Variants in PRRX1 observed in about 807,000 individuals in gnomAD.
PRRX1 encodes paired related homeobox 1, also known as paired mesoderm homeobox protein 1.
PRRX1 carries 8 observed loss-of-function variants against 24.0 expected under a neutral mutation model. The observed-to-expected ratio is 0.33, with a 90% CI of 0.20 to 0.60. The LOEUF is 0.60. Ranked by LOEUF, PRRX1 falls within the 20% of genes least tolerant of loss-of-function variation. PRRX1 has a pLI of 0.82. For missense variants in PRRX1, 281 were observed against 322.4 expected (o/e 0.87, Z 0.98); for synonymous variants, 160 against 131.7 (o/e 1.22, Z -1.47).
intron 1 of PRRX1, among the ~76,000 whole-genome samples, chr1:170,677,887 G>T (rs997068230): frequency 1.3e-5 from 2 of 152,142 alleles, no homozygotes; most frequent in Admixed American, 6.5e-5. Flanking sequence ...CTTTCCTCTA[G>T]TTTCTGAATT....
At chr1:170,695,973 T>A (rs905465056) in intron 1 of PRRX1, among the ~76,000 whole-genome samples, 5 of 152,186 alleles carry the variant, frequency 3.3e-5, no homozygotes, top group Non-Finnish European at 7.3e-5. Context: ...AAATAAAACA[T>A]GCTTTTCTCT....
chr1:170,665,060 G>C (rs1055709568), intron 1 of PRRX1, among the ~76,000 whole-genome samples: 1 of 152,214 alleles, frequency 6.6e-6, no homozygotes, highest in Admixed American at 6.5e-5. Flanking sequence ...TCTGCCCCCT[G>C]CTGTTGCCTC....
intron 1 of PRRX1, among the ~76,000 whole-genome samples, chr1:170,699,712 G>A (rs1033443762): frequency 1.3e-5 from 2 of 152,044 alleles, no homozygotes; most frequent in African/African-American, 4.8e-5. Flanking sequence ...AAAGTGCACC[G>A]AGAAATACCA....
In PRRX1 at chr1:170,738,192, C is replaced by T; in HGVS notation, c.*2006C>T. 9.0e-6 allele frequency: 2 copies of T among 222,556 alleles called. No individual in the cohort carries two copies. The highest frequency in any genetic ancestry group is 2.2e-5 in the African/African-American group (1 of 44,832). 13.8% of individuals were successfully genotyped at this position (222,556 alleles called of 1,614,324 possible). On this transcript the variant is annotated 3_prime_UTR_variant, in exon 4 of 4. Transcript: ENST00000239461. ...TTTGGATCAATTTTGGTCAAACATG[C>T]CAACTTTGTAGTCTGAGTGACAGGC...
chr1:170,699,624 C>T (rs1654290815), intron 1 of PRRX1, among the ~76,000 whole-genome samples: 1 of 152,142 alleles, frequency 6.6e-6, no homozygotes, highest in South Asian at 2.1e-4. Flanking sequence ...AATCAGGTTC[C>T]TATGGGCTCA....
At position 170,733,825 on chromosome 1, in the gene PRRX1, T is replaced by C. The variant is rs2101927742; in HGVS notation, c.600-2223T>C. ...ATTTTTTGAATATAGGTTTTGTGGG[T>C]TTACATACATTTATGGTAAGGTCTT... On this transcript the variant is annotated intron_variant, in intron 3 of 3. Transcript: ENST00000239461. Among the ~76,000 whole-genome samples, 2 of 152,254 alleles carry C rather than the reference T, an allele frequency of 1.3e-5. 1 individual carries two copies. Among genetic ancestry groups the C allele is most frequent in the South Asian group, 4.1e-4 (2 of 4,830 alleles).
In PRRX1 at chr1:170,692,713, C is replaced by CCTCT. The variant is rs375918496; in HGVS notation, c.242-26987_242-26984dup. Among the ~76,000 whole-genome samples, 474 of 138,978 alleles carry CCTCT rather than the reference C, an allele frequency of 3.4e-3. 1 individual carries two copies. Among genetic ancestry groups the CCTCT allele is most frequent in the African/African-American group, 6.8e-3 (248 of 36,478 alleles). 91.2% of individuals were successfully genotyped at this position (138,978 alleles called of 152,430 possible). ...GAAACCCCTTAACGAACTAACAAAT[C>CCTCT]CTCTCTCTCTCTCTCTCTCTCTCTC... On this transcript the variant is annotated intron_variant, in intron 1 of 3. Coordinates refer to ENST00000239461, the MANE Select transcript of PRRX1 (RefSeq NM_022716.4).
chr1:170,669,830 G>A (rs1437120214), intron 1 of PRRX1, among the ~76,000 whole-genome samples: 1 of 152,130 alleles, frequency 6.6e-6, no homozygotes, highest in Admixed American at 6.5e-5. Flanking sequence ...AAATATGAAT[G>A]TATTTTTCCC....
intron 1 of PRRX1, among the ~76,000 whole-genome samples, chr1:170,694,340 C>G (rs1654096926): frequency 6.6e-6 from 1 of 152,116 alleles, no homozygotes; most frequent in South Asian, 2.1e-4. Context: ...CTCCAGTATT[C>G]CTGGCAGACA....
intron 1 of PRRX1, among the ~76,000 whole-genome samples, chr1:170,693,465 A>G (rs567100591): frequency 9.6e-4 from 146 of 152,186 alleles, no homozygotes; most frequent in African/African-American, 3.4e-3. Flanking sequence ...TTGATATGGC[A>G]GTACAGCCTT....
rs200718986 is a variant in PRRX1 at position 170,687,130 on chromosome 1, CTCT to C, written c.241+22673_241+22675del. Among the ~76,000 whole-genome samples, 1,150 of 151,212 alleles carry C rather than the reference CTCT, an allele frequency of 7.6e-3. 14 individuals carry two copies. The highest frequency in any genetic ancestry group is 0.027 in the African/African-American group (1,111 of 41,176). On this transcript the variant is annotated intron_variant, in intron 1 of 3. Transcript: ENST00000239461. ...GACCATTTAGGATTTCTCTCTCTCT[CTCT>C]TTTTTTTTTAACTTTACAAGTCAGA... is the stretch of plus-strand genomic sequence containing the variant.
intron 2 of PRRX1, among the ~76,000 whole-genome samples, chr1:170,725,155 G>A (rs960836895): frequency 6.6e-6 from 1 of 152,076 alleles, no homozygotes; most frequent in Non-Finnish European, 1.5e-5. Context: ...TGCTGAAGTT[G>A]CTTATCAGCT....
In PRRX1 at chr1:170,739,405, G is replaced by A. The variant is rs186829588; in HGVS notation, c.*3219G>A. The A allele has an allele frequency of 9.8e-5, 17 of 173,516 alleles. No individual in the cohort carries two copies. Among genetic ancestry groups the A allele is most frequent in the Admixed American group, 6.4e-5 (1 of 15,722 alleles). The allele number at this position is 173,516 out of a possible 1,614,324, so 10.7% of individuals were successfully genotyped here. A position where few individuals can be genotyped will look rare whatever the true frequency, so the allele number is the denominator to read the frequency against. ...TAAAAAGAAAGAAGGACTCTACCATGTCTTTTGTTATATACATTTAAGCCT... is the reference window on the plus strand; with the variant it reads ...TAAAAAGAAAGAAGGACTCTACCATATCTTTTGTTATATACATTTAAGCCT... On this transcript the variant is annotated 3_prime_UTR_variant, in exon 4 of 4. Transcript: ENST00000239461.
At chr1:170,692,979 A>G (rs61817382) in intron 1 of PRRX1, among the ~76,000 whole-genome samples, 41,436 of 151,896 alleles carry the variant, frequency 0.27, 6,064 homozygotes, top group Middle Eastern at 0.37. Context: ...ACTTTTCCTA[A>G]ATATTCAGGC....
rs1655702659 is a variant in PRRX1, at chr1:170,738,722, TTAGA to T, written c.*2541_*2544del. ...AGGTTTTACTGAGAAGGGGAAAACCTTAGATAGAGGGACATGTGAAACAAAATCA... is the reference window on the plus strand; with the variant it reads ...AGGTTTTACTGAGAAGGGGAAAACCTTAGAGGGACATGTGAAACAAAATCA... On this transcript the variant is annotated 3_prime_UTR_variant, in exon 4 of 4. Coordinates refer to ENST00000239461, the MANE Select transcript of PRRX1 (RefSeq NM_022716.4). 2 of 228,278 alleles carry T rather than the reference TTAGA, an allele frequency of 8.8e-6. No homozygotes were observed. The highest frequency in any genetic ancestry group is 3.6e-4 in the South Asian group (2 of 5,504). 14.1% of individuals were successfully genotyped at this position (228,278 alleles called of 1,614,324 possible).
chr1:170,698,607 C>T, intron 1 of PRRX1, among the ~76,000 whole-genome samples: 1 of 152,098 alleles, frequency 6.6e-6, no homozygotes, highest in East Asian at 1.9e-4. Flanking sequence ...AGGAGTAACA[C>T]CGTATTATTT....
chr1:170,717,608 C>CTT (rs879901322), intron 1 of PRRX1, among the ~76,000 whole-genome samples: 18 of 139,612 alleles, frequency 1.3e-4, no homozygotes, highest in Non-Finnish European at 2.5e-4. Flanking sequence ...AAGGATTTTT[C>CTT]TTTTTTTTTT....
intron 1 of PRRX1, among the ~76,000 whole-genome samples, chr1:170,674,842 C>T (rs187974846): frequency 3.7e-4 from 56 of 152,032 alleles, no homozygotes; most frequent in South Asian, 2.3e-3. Flanking sequence ...AAAATTGAAA[C>T]GGGACTATCA....
chr1:170,717,813 G>T (rs1654956031), intron 1 of PRRX1, among the ~76,000 whole-genome samples: 1 of 152,210 alleles, frequency 6.6e-6, no homozygotes, highest in Non-Finnish European at 1.5e-5. Context: ...TTAATCCTAG[G>T]TGTTTGAATT....
Sources: allele counts gnomAD v4.1 joint callset (sites outside exome capture counted in the v4.1 genomes callset), GRCh38; gene constraint gnomAD v4.1.1; transcripts MANE v1.5; gene names NCBI Gene and HGNC (gene_info 2026-07-23, HGNC 2026-07-21).